ACOX3: variants seen among roughly 807,000 people sequenced by gnomAD.
ACOX3 encodes the protein peroxisomal acyl-coenzyme A oxidase 3.
A neutral mutation model predicts 81.5 loss-of-function variants in ACOX3; 73 were observed. The observed-to-expected ratio is 0.90, with a 90% CI of 0.74 to 1.09. ACOX3 has a LOEUF of 1.09. Among genes scored for constraint, ACOX3 ranks in the 50% least tolerant of loss-of-function variants. ACOX3 has a pLI of 0.00. For missense variants in ACOX3, 947 were observed against 928.0 expected, an observed-to-expected ratio of 1.02 and a Z score of -0.27; for synonymous variants, 387 against 375.1, an observed-to-expected ratio of 1.03 and a Z score of -0.37.
intron 1 of ACOX3, among the ~76,000 whole-genome samples, chr4:8,428,730 C>T (rs1395515345): frequency 2.0e-5 from 3 of 152,248 alleles, no homozygotes; most frequent in African/African-American, 7.2e-5. Context: ...TCTTGGGGCC[C>T]ACTCCAAGGC....
chr4:8,366,874 C>T lies in ACOX3; in HGVS notation c.*87G>A, dbSNP rs1234763165. On this transcript the variant is annotated 3_prime_UTR_variant, in exon 18 of 18. Coordinates refer to ENST00000356406, the MANE Select transcript of ACOX3 (RefSeq NM_003501.3). ...GGGCTCAGAAAGCAGCAGCAATCTC[C>T]GGCGTGTTCTGGAATCAGAAGTTGA... The T allele has an allele frequency of 1.4e-5, 21 of 1,543,962 alleles. No homozygotes were observed. The highest frequency in any genetic ancestry group is 6.9e-5 in the Admixed American group (4 of 58,254).
At position 8,414,793 on chromosome 4, in the gene ACOX3, A is replaced by G. The variant is rs1722141019; in HGVS notation, c.453+61T>C. On this transcript the variant is annotated intron_variant, in intron 4 of 17. Transcript: ENST00000356406. This position sits in a 1 kb window ranked among gnomAD's most constrained non-coding sequence, Gnocchi z 6.1. Reference sequence around the variant, plus strand: ...CCTTCTACAATCTTCTCTTTTCACAAATCTCTACAGAGATCAAGCAAGAGA... The same window carrying G: ...CCTTCTACAATCTTCTCTTTTCACAGATCTCTACAGAGATCAAGCAAGAGA... 2 of 1,536,268 alleles carry G rather than the reference A, an allele frequency of 1.3e-6. No homozygotes were observed. Among genetic ancestry groups the G allele is most frequent in the Admixed American group, 1.7e-5 (1 of 59,788 alleles).
chr4:8,396,910 G>C (rs763249332), intron 9 of ACOX3, 27 bp downstream of exon 9: 1 of 1,601,440 alleles, frequency 6.2e-7, no homozygotes, highest in South Asian at 1.1e-5. Context: ...TAGAGAGACA[G>C]TGAAAGGATG....
chr4:8,429,533 A>G (rs193199063), intron 1 of ACOX3, among the ~76,000 whole-genome samples: 1 of 152,334 alleles, frequency 6.6e-6, no homozygotes, highest in East Asian at 1.9e-4. Context: ...GTATCTTATC[A>G]GTTAATTGTA....
At chr4:8,363,510 C>T (rs1235667640), downstream of ACOX3, among the ~76,000 whole-genome samples, 3 of 152,154 alleles carry the variant, frequency 2.0e-5, no homozygotes, top group East Asian at 1.9e-4. Context: ...GAAGAAGTTA[C>T]AGAAGATGGA....
Position 8,381,751 on chromosome 4 carries a change from G to C in ACOX3, c.1538-144C>G. 1.6e-6 allele frequency: 1 copy of C among 640,482 alleles called. No homozygotes were observed. The allele number at this position is 640,482 out of a possible 1,614,324, so 39.7% of individuals were successfully genotyped here. A position where few individuals can be genotyped will look rare whatever the true frequency, so the allele number is the denominator to read the frequency against. On this transcript the variant is annotated intron_variant, in intron 13 of 17. Coordinates refer to ENST00000356406, the MANE Select transcript of ACOX3 (RefSeq NM_003501.3). The surrounding 1 kb of genome is among the most constrained non-coding windows in gnomAD (Gnocchi z 4.3). Reference sequence around the variant, plus strand: ...ACAACCAAGTGTATGGGGTGGGTCTGATTTTATAGGTAGGGAAACTGAAGC... The same window carrying C: ...ACAACCAAGTGTATGGGGTGGGTCTCATTTTATAGGTAGGGAAACTGAAGC...
In ACOX3 at chr4:8,371,032, G is replaced by A. The variant is rs750615920; in HGVS notation, c.1897-38C>T. ...AAAGCCCAGACACTTGGCACCTCCC[G>A]GGAATTTCCATGGTGACCAAAGCAT... On this transcript the variant is annotated intron_variant, in intron 16 of 17. Coordinates refer to ENST00000356406, the MANE Select transcript of ACOX3 (RefSeq NM_003501.3). The A allele has an allele frequency of 1.9e-5, 31 of 1,596,628 alleles. No homozygotes were observed. In the South Asian group the frequency reaches 2.9e-4, roughly 15 times the overall value.
chr4:8,369,061 G>A (rs1477718111), intron 17 of ACOX3, among the ~76,000 whole-genome samples: 1 of 152,082 alleles, frequency 6.6e-6, no homozygotes, highest in East Asian at 1.9e-4. Context: ...AGAGCCAGGG[G>A]GCCCCTCCAT....
intron 1 of ACOX3, among the ~76,000 whole-genome samples, chr4:8,434,813 G>A (rs776543593): frequency 1.3e-5 from 2 of 152,226 alleles, no homozygotes; most frequent in Non-Finnish European, 2.9e-5. Context: ...TGATAAACAG[G>A]CGTGCCTTTA....
rs1015901916 is a variant in ACOX3 at position 8,419,118 on chromosome 4, C to G, written c.-14-2583G>C. On this transcript the variant is annotated intron_variant, in intron 1 of 17. Coordinates refer to ENST00000356406, the MANE Select transcript of ACOX3 (RefSeq NM_003501.3). The surrounding 1 kb of genome is among the most constrained non-coding windows in gnomAD (Gnocchi z 4.2). ...GAGTTTGAGACCAGCCTGGGTGATA[C>G]AGCAAGACCTTATCTCTTAAAGAAC... Among the ~76,000 whole-genome samples the G allele has an allele frequency of 1.3e-5, 2 of 151,788 alleles. No individual in the cohort carries two copies. The highest frequency in any genetic ancestry group is 2.4e-5 in the African/African-American group (1 of 41,298).
In ACOX3 at chr4:8,423,385, C is replaced by T. The variant is rs1723151920; in HGVS notation, c.-14-6850G>A. Among the ~76,000 whole-genome samples, 1 of 152,082 alleles carries T rather than the reference C, an allele frequency of 6.6e-6. No homozygotes were observed. Among genetic ancestry groups the T allele is most frequent in the South Asian group, 2.1e-4 (1 of 4,824 alleles). On this transcript the variant is annotated intron_variant, in intron 1 of 17. Coordinates refer to ENST00000356406, the MANE Select transcript of ACOX3 (RefSeq NM_003501.3). The surrounding 1 kb of genome is among the most constrained non-coding windows in gnomAD (Gnocchi z 4.2). Reference sequence around the variant, plus strand: ...TCCTGAAGTCTGGGCAACAGAAGGACAATATGGATGAGGGAAGAATGCCCG... The same window carrying T: ...TCCTGAAGTCTGGGCAACAGAAGGATAATATGGATGAGGGAAGAATGCCCG...
At position 8,423,850 on chromosome 4, in the gene ACOX3, C is replaced by T. The variant is rs993623114; in HGVS notation, c.-14-7315G>A. Among the ~76,000 whole-genome samples the T allele has an allele frequency of 6.6e-6, 1 of 152,226 alleles. No homozygotes were observed. The highest frequency in any genetic ancestry group is 1.5e-5 in the Non-Finnish European group (1 of 68,046). The stretch of plus-strand genomic sequence containing the variant: ...TTTACCCCAAGGGTTCATGGACAGC[C>T]CCCATCTATTTGGCCAGGCATTAGC... On this transcript the variant is annotated intron_variant, in intron 1 of 17. Coordinates refer to ENST00000356406, the MANE Select transcript of ACOX3 (RefSeq NM_003501.3). The surrounding 1 kb of genome is among the most constrained non-coding windows in gnomAD (Gnocchi z 4.2).
chr4:8,427,600 A>C (rs1015485729), intron 1 of ACOX3, among the ~76,000 whole-genome samples: 1 of 152,198 alleles, frequency 6.6e-6, no homozygotes, highest in Non-Finnish European at 1.5e-5. Flanking sequence ...TGGGTTCCAC[A>C]GTTCTCTTCC....
rs76334423 is a variant in ACOX3 at position 8,407,991 on chromosome 4, G to A, written c.688-1948C>T. Among the ~76,000 whole-genome samples the A allele has an allele frequency of 0.07, 10,595 of 152,214 alleles. 731 individuals are homozygous for A. Among genetic ancestry groups the A allele is most frequent in the African/African-American group, 0.18 (7,371 of 41,506 alleles). ...CAGCCCAGCCCTGGGCATACAGGGC[G>A]CCCCAGTGAGTACTACCCAGCCCAA... is the stretch of plus-strand genomic sequence containing the variant. On this transcript the variant is annotated intron_variant, in intron 6 of 17. Coordinates refer to ENST00000356406, the MANE Select transcript of ACOX3 (RefSeq NM_003501.3). This position sits in a 1 kb window ranked among gnomAD's most constrained non-coding sequence, Gnocchi z 4.6.
intron 5 of ACOX3, among the ~76,000 whole-genome samples, chr4:8,411,246 T>C (rs1721691455): frequency 6.6e-6 from 1 of 152,216 alleles, no homozygotes; most frequent in Non-Finnish European, 1.5e-5. Flanking sequence ...ACGCGGAGCT[T>C]GCCAGTCACT....
intron 14 of ACOX3, among the ~76,000 whole-genome samples, chr4:8,379,889 G>A (rs531168985): frequency 2.0e-5 from 3 of 152,130 alleles, no homozygotes; most frequent in East Asian, 1.9e-4. Flanking sequence ...GGGCTCAAGC[G>A]ATCTTCCTGC....
chr4:8,380,013 C>T (rs908083579), intron 14 of ACOX3, among the ~76,000 whole-genome samples: 1 of 152,034 alleles, frequency 6.6e-6, no homozygotes, highest in African/African-American at 2.4e-5. Context: ...GACAGGCATC[C>T]ACTGGTTTCT....
At chr4:8,415,236 G>A (rs1432008607) in intron 3 of ACOX3, among the ~76,000 whole-genome samples, 1 of 152,168 alleles carries the variant, frequency 6.6e-6, no homozygotes, top group South Asian at 2.1e-4. Context: ...TGCCTGCAAG[G>A]AGTCCTGGGG....
intron 1 of ACOX3, among the ~76,000 whole-genome samples, chr4:8,425,908 C>A (rs982974703): frequency 6.6e-6 from 1 of 152,080 alleles, no homozygotes; most frequent in Non-Finnish European, 1.5e-5. Context: ...ACTTACACTG[C>A]GCCTGGAGGC....
Sources: allele counts gnomAD v4.1 joint callset (sites outside exome capture counted in the v4.1 genomes callset), GRCh38; gene constraint gnomAD v4.1.1; non-coding constraint Gnocchi (gnomAD v3.1); transcripts MANE v1.5; gene names NCBI Gene and HGNC (gene_info 2026-07-23, HGNC 2026-07-21).